The following NLE1 variants were observed in gnomAD, a reference collection of about 807,000 sequenced individuals.
The protein encoded by NLE1 is notchless protein homolog 1.
In NLE1, 37 loss-of-function variants were observed where a neutral mutation model predicts 62.8. That is an observed-to-expected ratio of 0.59 (90% CI 0.45 to 0.78). The LOEUF is 0.78. Ranked by LOEUF, NLE1 falls within the 30% of genes least tolerant of loss-of-function variation. The pLI, the probability that NLE1 is intolerant of heterozygous loss-of-function variation, is 0.00. For synonymous variants in NLE1, 243 were observed against 253.0 expected (o/e 0.96, Z 0.37); for missense variants, 555 against 637.9 (o/e 0.87, Z 1.40).
In NLE1 at chr17:35,136,942, G is replaced by A. The variant is rs906374347; in HGVS notation, c.828+59C>T. The A allele has an allele frequency of 2.1e-6, 3 of 1,446,048 alleles. No individual in the cohort carries two copies. The African/African-American group carries it at 4.2e-5, about 20-fold the overall frequency. The allele number at this position is 1,446,048 out of a possible 1,614,324, so 89.6% of individuals were successfully genotyped here. A position where few individuals can be genotyped will look rare whatever the true frequency, so the allele number is the denominator to read the frequency against. On this transcript the variant is annotated intron_variant, in intron 7 of 12. Transcript: ENST00000442241. ...CGCTGATGTCAAGGTCATTCTGAGT[G>A]CCAGCATCTTGTGACTTGCGATTTT... is the stretch of plus-strand genomic sequence containing the variant.
Position 35,138,704 on chromosome 17 carries a change from G to A in NLE1, c.460+531C>T, listed in dbSNP as rs552621821. 2.2e-4 allele frequency among the ~76,000 whole-genome samples: 33 copies of A among 152,258 alleles called. No individual in the cohort carries two copies. The South Asian group carries it at 2.3e-3, about 11-fold the overall frequency. ...AGTGATCTGCCTGCCTTGGCCTCCC[G>A]AAGTGCTGGGATTACAGGTGTGGGC... On this transcript the variant is annotated intron_variant, in intron 4 of 12. Transcript: ENST00000442241.
At chr17:35,133,043 G>A (rs1056854876) in intron 12 of NLE1, 128 bp downstream of exon 12, 10 of 894,368 alleles carry the variant, frequency 1.1e-5, no homozygotes, top group South Asian at 1.5e-5. Flanking sequence ...GGCTCCACAC[G>A]CCTCCTCAAG....
chr17:35,134,722 A>G (rs979040291), intron 10 of NLE1, among the ~76,000 whole-genome samples: 7 of 152,070 alleles, frequency 4.6e-5, no homozygotes, highest in Non-Finnish European at 7.4e-5. Context: ...TTTAGTGACC[A>G]CTTAGTGCGG....
In NLE1 at chr17:35,130,516, T is replaced by C. The variant is rs1311556086; in HGVS notation, c.*1921A>G. 3 of 1,431,788 alleles carry C rather than the reference T, an allele frequency of 2.1e-6. No homozygotes were observed. Among genetic ancestry groups the C allele is most frequent in the East Asian group, 2.3e-5 (1 of 43,448 alleles). 88.7% of individuals were successfully genotyped at this position (1,431,788 alleles called of 1,614,324 possible). A position where few individuals can be genotyped will look rare whatever the true frequency, so the allele number is the denominator to read the frequency against. ...GAAACCAGAGCCATGAGACCTACCATACCACCAGCACCCTGCGGGCCCGGG... is the reference window on the plus strand; with the variant it reads ...GAAACCAGAGCCATGAGACCTACCACACCACCAGCACCCTGCGGGCCCGGG... On this transcript the variant is annotated 3_prime_UTR_variant, in exon 13 of 13. Coordinates refer to ENST00000442241, the MANE Select transcript of NLE1 (RefSeq NM_018096.5).
In NLE1 at chr17:35,133,435, A is replaced by G. The variant is rs1409016848; in HGVS notation, c.1278T>C (p.Ser426=). Residue 426 remains serine (S), a synonymous_variant, in exon 11 of 13, where the codon AGT becomes AGC. Coordinates refer to ENST00000442241, the MANE Select transcript of NLE1 (RefSeq NM_018096.5). ...CACTGCTGCCGCTGACCAGGAGCCG[A>G]CTGTCAGCTGACCACGCAATCTGGT... is the stretch of plus-strand genomic sequence containing the variant. The part of the protein sequence containing the change: ...AVYQIAWSAD[S]RLLVSGSSDS... The G allele has an allele frequency of 6.2e-7, 1 of 1,614,108 alleles. No homozygotes were observed. Among genetic ancestry groups the G allele is most frequent in the Middle Eastern group, 1.6e-4 (1 of 6,062 alleles).
intron 3 of NLE1, 90 bp from the exon 4 acceptor site, chr17:35,139,404 C>T: frequency 1.9e-6 from 2 of 1,064,120 alleles, no homozygotes; most frequent in South Asian, 1.3e-5. Flanking sequence ...TGGAACTGGA[C>T]TCTTTCCTCG....
chr17:35,139,786 C>A (rs1042856367), intron 3 of NLE1, 63 bp downstream of exon 3: 31 of 1,580,570 alleles, frequency 2.0e-5, no homozygotes, highest in Non-Finnish European at 2.5e-5. Flanking sequence ...GGGAGACCCT[C>A]CCCAAACCAG....
At position 35,129,909 on chromosome 17, in the gene NLE1, C is replaced by T; in HGVS notation, c.*2528G>A. On this transcript the variant is annotated 3_prime_UTR_variant, in exon 13 of 13. Coordinates refer to ENST00000442241, the MANE Select transcript of NLE1 (RefSeq NM_018096.5). ...TCACTATAATGTTCCCCTTCCAAAG[C>T]CATTGGTTTTTAGACTCTGCAATTC... The T allele has an allele frequency of 1.4e-6, 2 of 1,393,830 alleles. No homozygotes were observed. The highest frequency in any genetic ancestry group is 5.4e-5 in the East Asian group (2 of 37,160). The allele number at this position is 1,393,830 out of a possible 1,614,324, so 86.3% of individuals were successfully genotyped here.
Position 35,137,649 on chromosome 17 carries a change from CAG to C in NLE1, c.538-11_538-10del. On this transcript the variant is annotated splice_polypyrimidine_tract_variant and intron_variant, in intron 5 of 12. Coordinates refer to ENST00000442241, the MANE Select transcript of NLE1 (RefSeq NM_018096.5). ...GGGTCCCAGAGGAGAATCTGAAGGACAGAAGCTCACTGAATAATCCTCCCCAA... is the reference window on the plus strand; with the variant it reads ...GGGTCCCAGAGGAGAATCTGAAGGACAAGCTCACTGAATAATCCTCCCCAA... 1.2e-6 allele frequency: 2 copies of C among 1,606,270 alleles called. No homozygotes were observed. Among genetic ancestry groups the C allele is most frequent in the South Asian group, 1.1e-5 (1 of 90,844 alleles).
chr17:35,131,645 C>G lies in NLE1; in HGVS notation c.*792G>C, dbSNP rs1330180554. On this transcript the variant is annotated 3_prime_UTR_variant, in exon 13 of 13. Coordinates refer to ENST00000442241, the MANE Select transcript of NLE1 (RefSeq NM_018096.5). The stretch of plus-strand genomic sequence containing the variant: ...ACCTTCCCCGCTCTATCCCATGGGC[C>G]CAGGGCAGTGCTTGGTGCCTGGCAG... The G allele has an allele frequency of 6.6e-6, 1 of 152,342 alleles. No homozygotes were observed. Among genetic ancestry groups the G allele is most frequent in the East Asian group, 1.9e-4 (1 of 5,194 alleles). 9.4% of individuals were successfully genotyped at this position (152,342 alleles called of 1,614,324 possible).
Position 35,129,701 on chromosome 17 carries a change from C to T in NLE1, c.*2736G>A, listed in dbSNP as rs1255967314. ...AGGGGCCTTGGGGGTGGAGAGAAGT[C>T]CAAAGCCAGGGAACCAGGGCTTTGG... On this transcript the variant is annotated 3_prime_UTR_variant, in exon 13 of 13. Transcript: ENST00000442241. 2 of 1,596,356 alleles carry T rather than the reference C, an allele frequency of 1.3e-6. No individual in the cohort carries two copies. The highest frequency in any genetic ancestry group is 1.1e-5 in the South Asian group (1 of 89,030).
rs2091873017 is a variant in NLE1, at chr17:35,130,927, GCT to G, written c.*1508_*1509del. 6.3e-6 allele frequency: 1 copy of G among 157,574 alleles called. No homozygotes were observed. The highest frequency in any genetic ancestry group is 2.4e-5 in the African/African-American group (1 of 41,520). The allele number at this position is 157,574 out of a possible 1,614,324, so 9.8% of individuals were successfully genotyped here. Reference sequence around the variant, plus strand: ...GAGACTGGTGCTCTAAGACTAAAAGGCTCTTACACCAGAAAAATACAGAAATA... The same window carrying G: ...GAGACTGGTGCTCTAAGACTAAAAGGCTTACACCAGAAAAATACAGAAATA... On this transcript the variant is annotated 3_prime_UTR_variant, in exon 13 of 13. Transcript: ENST00000442241.
rs545676147 is a variant in NLE1 at position 35,137,703 on chromosome 17, T to G, written c.538-63A>C. ...AGGTCTCTGGCTCCACCAAAATCCC[T>G]GCCTACCACTTCCCACCCAACCCTC... On this transcript the variant is annotated intron_variant, in intron 5 of 12. Coordinates refer to ENST00000442241, the MANE Select transcript of NLE1 (RefSeq NM_018096.5). The G allele has an allele frequency of 4.4e-5, 67 of 1,508,180 alleles. No individual in the cohort carries two copies. The South Asian group carries it at 7.7e-4, about 17-fold the overall frequency. The allele number at this position is 1,508,180 out of a possible 1,614,324, so 93.4% of individuals were successfully genotyped here.
Position 35,129,208 on chromosome 17 carries a change from TA to T in NLE1, c.*3228del. 1 of 610,470 alleles carries T rather than the reference TA, an allele frequency of 1.6e-6. No individual in the cohort carries two copies. Among genetic ancestry groups the T allele is most frequent in the Non-Finnish European group, 2.9e-6 (1 of 346,324 alleles). The allele number at this position is 610,470 out of a possible 1,614,324, so 37.8% of individuals were successfully genotyped here. ...AGAAATATGGAATGAGGGTGTACCC[TA>T]AAGTGGGTGGGGCTGCCCAGGAGAG... On this transcript the variant is annotated 3_prime_UTR_variant, in exon 13 of 13. Transcript: ENST00000442241.
At position 35,137,045 on chromosome 17, in the gene NLE1, A is replaced by G; in HGVS notation, c.784T>C (p.Ser262Pro). 6.2e-7 allele frequency: 1 copy of G among 1,613,736 alleles called. No homozygotes were observed. ...TTGATGGTGCGGTCCTGGGAGGCAG[A>G]GTAGAGAAGCCCGTCCCCTCCCCAC... ...LRWGGDGLLY[S>P]ASQDRTIKVW... Residue 262 changes from serine (S) to proline (P), a missense_variant, in exon 7 of 13, where the codon TCT (serine) becomes CCT (proline). Transcript: ENST00000442241.
intron 12 of NLE1, among the ~76,000 whole-genome samples, 192 bp downstream of exon 12, chr17:35,132,979 G>A (rs1004866445): frequency 1.3e-5 from 2 of 152,104 alleles, no homozygotes; most frequent in South Asian, 4.1e-4. Context: ...TGTGGCCTCT[G>A]TTGTTCCGGT....
intron 2 of NLE1, 73 bp from the exon 3 acceptor site, chr17:35,140,139 C>A (rs759646458): frequency 9.0e-5 from 138 of 1,538,676 alleles, no homozygotes; most frequent in Non-Finnish European, 1.1e-4. Flanking sequence ...GGATGCTCCC[C>A]ACTGAGCTGT....
rs374433104 is a variant in NLE1 at position 35,130,348 on chromosome 17, C to T, written c.*2089G>A. The stretch of plus-strand genomic sequence containing the variant: ...CTACCCCATCCAGATCACCGTGCGG[C>T]GCAAGGAACCCCGGCAAAAGATCGT... On this transcript the variant is annotated 3_prime_UTR_variant, in exon 13 of 13. Transcript: ENST00000442241. The T allele has an allele frequency of 1.3e-5, 21 of 1,613,984 alleles. No individual in the cohort carries two copies. Among genetic ancestry groups the T allele is most frequent in the Admixed American group, 3.3e-5 (2 of 59,980 alleles).
chr17:35,131,426 G>T lies in NLE1; in HGVS notation c.*1011C>A, dbSNP rs1312828078. The T allele has an allele frequency of 2.0e-5, 3 of 152,252 alleles. No individual in the cohort carries two copies. Among genetic ancestry groups the T allele is most frequent in the Non-Finnish European group, 2.9e-5 (2 of 68,074 alleles). 9.4% of individuals were successfully genotyped at this position (152,252 alleles called of 1,614,324 possible). On this transcript the variant is annotated 3_prime_UTR_variant, in exon 13 of 13. Coordinates refer to ENST00000442241, the MANE Select transcript of NLE1 (RefSeq NM_018096.5). ...TCAGACCATGACCCTGCTTAGCATG[G>T]GATGCAGGAGAAAGCAGAGGCAGGG...
Sources: allele counts gnomAD v4.1 joint callset (sites outside exome capture counted in the v4.1 genomes callset), GRCh38; gene constraint gnomAD v4.1.1; transcripts MANE v1.5; gene names NCBI Gene and HGNC (gene_info 2026-07-23, HGNC 2026-07-21).